Variants in SRFBP1 observed in about 807,000 individuals in gnomAD.
SRFBP1 encodes the protein serum response factor binding protein 1, also known as serum response factor-binding protein 1.
In SRFBP1, 47 loss-of-function variants were observed where a neutral mutation model predicts 45.5. That is an observed-to-expected ratio of 1.03 (90% confidence interval 0.82 to 1.32). SRFBP1 has a LOEUF of 1.32. Among genes scored for constraint, SRFBP1 ranks in the 40% most tolerant of loss-of-function variants. The probability of loss-of-function intolerance (pLI) is 0.00; values close to 1 mark genes in which losing one functional copy is unlikely to be tolerated. For synonymous variants in SRFBP1, 203 were observed against 166.3 expected, an observed-to-expected ratio of 1.22 and a Z score of -1.70; for missense variants, 621 against 484.6, an observed-to-expected ratio of 1.28 and a Z score of -2.64.
intron 5 of SRFBP1, among the ~76,000 whole-genome samples, chr5:122,019,601 G>C (rs926873929): frequency 6.6e-6 from 1 of 150,790 alleles, no homozygotes. Context: ...ACAAGATAAA[G>C]TTGAATAGTT....
chr5:122,067,110 C>T (rs2152585110), intron 2 of SRFBP1, among the ~76,000 whole-genome samples: 1 of 152,212 alleles, frequency 6.6e-6, no homozygotes, highest in South Asian at 2.1e-4. Context: ...AAGGCCTCTG[C>T]TCCATCTTGA....
At chr5:122,012,969 G>T (rs916555757) in intron 4 of SRFBP1, among the ~76,000 whole-genome samples, 2 of 152,020 alleles carry the variant, frequency 1.3e-5, no homozygotes, top group African/African-American at 4.8e-5. Flanking sequence ...AACTAGTGTT[G>T]CCTTCTCCCT....
intron 2 of SRFBP1, among the ~76,000 whole-genome samples, chr5:122,058,564 G>T (rs1424796185): frequency 7.0e-6 from 1 of 142,294 alleles, no homozygotes; most frequent in Non-Finnish European, 1.5e-5. Context: ...GTGTGTGTGT[G>T]TGTGTGTATA....
At chr5:122,023,071 C>G (rs541666018) in intron 7 of SRFBP1, among the ~76,000 whole-genome samples, 11 of 152,300 alleles carry the variant, frequency 7.2e-5, no homozygotes, top group African/African-American at 2.6e-4. Context: ...TGTTTGTGAG[C>G]AAGGCCTGAA....
chr5:122,039,995 T>C (rs1753748690), intron 2 of SRFBP1, among the ~76,000 whole-genome samples: 1 of 152,190 alleles, frequency 6.6e-6, no homozygotes. Context: ...TAAACTATTA[T>C]ACCTTTATAT....
chr5:122,017,790 T>C (rs1042495697), intron 4 of SRFBP1, among the ~76,000 whole-genome samples: 3 of 152,250 alleles, frequency 2.0e-5, no homozygotes, highest in African/African-American at 4.8e-5. Context: ...AAATGTCTTA[T>C]ATTTGACTGT....
downstream of SRFBP1, among the ~76,000 whole-genome samples, chr5:122,076,391 T>C (rs1263682232): frequency 1.3e-5 from 2 of 152,188 alleles, no homozygotes; most frequent in Non-Finnish European, 2.9e-5. Context: ...ACAAAGCTCT[T>C]GCTCACGGTC....
At chr5:122,007,004 A>G (rs1403529685) in intron 4 of SRFBP1, among the ~76,000 whole-genome samples, 1 of 151,896 alleles carries the variant, frequency 6.6e-6, no homozygotes, top group Non-Finnish European at 1.5e-5. Flanking sequence ...ATTTTTGCAT[A>G]TTTACAGAAG....
At chr5:122,002,110 A>G (rs943970663) in intron 4 of SRFBP1, among the ~76,000 whole-genome samples, 1 of 152,180 alleles carries the variant, frequency 6.6e-6, no homozygotes, top group Non-Finnish European at 1.5e-5. Flanking sequence ...ATACAATCAC[A>G]TTTAATTTTT....
At chr5:122,045,018 C>A (rs960591986) in intron 2 of SRFBP1, among the ~76,000 whole-genome samples, 1 of 152,062 alleles carries the variant, frequency 6.6e-6, no homozygotes, top group African/African-American at 2.4e-5. Flanking sequence ...TTTAATCCAT[C>A]TTGAGTTAAT....
chr5:122,045,533 A>G (rs1473013691), intron 2 of SRFBP1, among the ~76,000 whole-genome samples: 1 of 152,102 alleles, frequency 6.6e-6, no homozygotes, highest in African/African-American at 2.4e-5. Context: ...GATTTCGTTG[A>G]GAAATGTTTT....
In SRFBP1 at chr5:121,980,852, T is replaced by C. The variant is rs60695347; in HGVS notation, c.198+5465T>C. 9.2e-3 allele frequency among the ~76,000 whole-genome samples: 1,395 copies of C among 152,266 alleles called. 24 individuals carry two copies. Among genetic ancestry groups the C allele is most frequent in the African/African-American group, 0.032 (1,330 of 41,562 alleles). On this transcript the variant is annotated intron_variant, in intron 3 of 7. Coordinates refer to ENST00000339397, the MANE Select transcript of SRFBP1 (RefSeq NM_152546.3). ...TACTTGTCTGAACACTTAAGATGTT[T>C]AGAGATTTCTTCTCTCTCCCTTCTG...
intron 2 of SRFBP1, among the ~76,000 whole-genome samples, chr5:122,043,613 A>G (rs1753805762): frequency 6.6e-6 from 1 of 152,132 alleles, no homozygotes; most frequent in Non-Finnish European, 1.5e-5. Context: ...TGATTCTTTT[A>G]CAATATGAAA....
chr5:122,071,534 G>T (rs1180497941), intron 2 of SRFBP1, among the ~76,000 whole-genome samples: 1 of 152,144 alleles, frequency 6.6e-6, no homozygotes, highest in Non-Finnish European at 1.5e-5. Flanking sequence ...CCTTCTACAG[G>T]CTGGGAGGAG....
At chr5:122,025,394 C>G (rs982572013) in intron 7 of SRFBP1, among the ~76,000 whole-genome samples, 4 of 152,164 alleles carry the variant, frequency 2.6e-5, no homozygotes, top group Non-Finnish European at 5.9e-5. Context: ...CAAGTCTTTG[C>G]TATTGTGAAT....
chr5:121,993,519 C>G (rs1317279745), intron 3 of SRFBP1, among the ~76,000 whole-genome samples: 1 of 152,082 alleles, frequency 6.6e-6, no homozygotes, highest in South Asian at 2.1e-4. Flanking sequence ...AGATGATGAT[C>G]TAATAAAGGT....
At chr5:121,986,389 T>C (rs1752518619) in intron 3 of SRFBP1, among the ~76,000 whole-genome samples, 1 of 151,876 alleles carries the variant, frequency 6.6e-6, no homozygotes. Flanking sequence ...GAGAGAAAAA[T>C]AAAGAGCATT....
chr5:122,030,401 C>G (rs913410419), downstream of SRFBP1, among the ~76,000 whole-genome samples: 1 of 152,200 alleles, frequency 6.6e-6, no homozygotes, highest in Non-Finnish European at 1.5e-5. Flanking sequence ...AACCAGCAGC[C>G]TGGCAGCCAC....
chr5:121,993,096 T>C (rs1277650146), intron 3 of SRFBP1, among the ~76,000 whole-genome samples: 1 of 152,146 alleles, frequency 6.6e-6, no homozygotes, highest in Non-Finnish European at 1.5e-5. Context: ...AACATATTTC[T>C]TTAAATATAC....
Sources: allele counts gnomAD v4.1 joint callset (sites outside exome capture counted in the v4.1 genomes callset), GRCh38; gene constraint gnomAD v4.1.1; transcripts MANE v1.5; gene names NCBI Gene and HGNC (gene_info 2026-07-23, HGNC 2026-07-21).